RAG1: variants seen among roughly 807,000 people sequenced by gnomAD.
RAG1 encodes recombination activating 1, also known as V(D)J recombination-activating protein 1.
RAG1 carries 35 observed loss-of-function variants against 62.7 expected under a neutral mutation model. That is an observed-to-expected ratio of 0.56 (90% CI 0.43 to 0.74). The LOEUF (loss-of-function observed/expected upper bound fraction) is 0.74. Ranked by LOEUF, RAG1 falls within the 30% of genes least tolerant of loss-of-function variation. RAG1 has a pLI of 0.00. For synonymous variants in RAG1, 461 were observed against 470.3 expected, an observed-to-expected ratio of 0.98 and a Z score of 0.26; for missense variants, 1,169 against 1,278.6, an observed-to-expected ratio of 0.91 and a Z score of 1.31.
At chr11:36,514,708 A>T (rs1187374940) in intron 1 of RAG1, among the ~76,000 whole-genome samples, 1 of 152,146 alleles carries the variant, frequency 6.6e-6, no homozygotes, top group Non-Finnish European at 1.5e-5. Context: ...GCAGTTCACG[A>T]AAGGGTTTGT....
chr11:36,530,217 G>T (rs1402453156), intron 2 of RAG1, among the ~76,000 whole-genome samples: 1 of 151,470 alleles, frequency 6.6e-6, no homozygotes, highest in Non-Finnish European at 1.5e-5. Flanking sequence ...TTTTTCCTTT[G>T]TTCATCTTGC....
Position 36,574,786 on chromosome 11 carries a change from C to G in RAG1, c.1482C>G (p.Ile494Met). ...AGATGTACAGGACTGTGAAAGCCAT[C>G]ACAGGGAGACAGATTTTTCAGCCTT... ...YHKMYRTVKA[I>M]TGRQIFQPLH... Residue 494 changes from isoleucine to methionine, a missense_variant, in exon 2 of 2, where the codon ATC becomes ATG. Around this residue, in one of 2 missense-constraint regions of RAG1, gnomAD observed 800 missense variants for 943.3 expected, o/e 0.85. Coordinates refer to ENST00000299440, the MANE Select transcript of RAG1 (RefSeq NM_000448.3). The G allele has an allele frequency of 6.2e-7, 1 of 1,614,212 alleles. No homozygotes were observed. The highest frequency in any genetic ancestry group is 8.5e-7 in the Non-Finnish European group (1 of 1,180,038).
intron 3 of RAG1, among the ~76,000 whole-genome samples, chr11:36,550,737 G>A (rs1254756498): frequency 1.3e-5 from 2 of 152,074 alleles, no homozygotes; most frequent in Non-Finnish European, 2.9e-5. Context: ...TAATTCTCAT[G>A]TAGGTTTTTC....
downstream of RAG1, among the ~76,000 whole-genome samples, chr11:36,540,807 TTCTTCCCAAATAAAA>T (rs1564980096): frequency 6.6e-6 from 1 of 152,224 alleles, no homozygotes; most frequent in African/African-American, 2.4e-5. Context: ...CTGTGGTTCT[TTCTTCCCAAATAAAA>T]TCTTACATTT....
At chr11:36,531,650 A>G (rs552946098) in intron 2 of RAG1, among the ~76,000 whole-genome samples, 49 of 152,116 alleles carry the variant, frequency 3.2e-4, no homozygotes, top group African/African-American at 1.1e-3. Context: ...TGCTTTCGCC[A>G]TCAAACATAA....
chr11:36,511,304 A>AT (rs1859917097), intron 1 of RAG1, among the ~76,000 whole-genome samples: 1 of 152,164 alleles, frequency 6.6e-6, no homozygotes, highest in South Asian at 2.1e-4. Flanking sequence ...AAATTTAAAA[A>AT]TTACCTGGGT....
chr11:36,562,102 G>A (rs997942882), intron 3 of RAG1, among the ~76,000 whole-genome samples: 1 of 152,138 alleles, frequency 6.6e-6, no homozygotes, highest in Non-Finnish European at 1.5e-5. Context: ...GGGAACCATA[G>A]GAACCATAGG....
At chr11:36,512,829 C>G (rs992159205) in intron 1 of RAG1, among the ~76,000 whole-genome samples, 4 of 152,082 alleles carry the variant, frequency 2.6e-5, no homozygotes, top group Non-Finnish European at 5.9e-5. Flanking sequence ...TTGTACCAAC[C>G]TAATAATTTA....
At chr11:36,513,192 C>T (rs1248618907) in intron 1 of RAG1, among the ~76,000 whole-genome samples, 2 of 152,134 alleles carry the variant, frequency 1.3e-5, no homozygotes, top group Non-Finnish European at 2.9e-5. Flanking sequence ...TGCAAGATAC[C>T]AGCCCCTTGA....
chr11:36,549,320 A>C (rs913318871), intron 3 of RAG1, among the ~76,000 whole-genome samples: 3 of 152,250 alleles, frequency 2.0e-5, no homozygotes, highest in Admixed American at 6.5e-5. Flanking sequence ...AGAAACTATC[A>C]TCAGAGTGAA....
intron 2 of RAG1, among the ~76,000 whole-genome samples, chr11:36,520,888 G>T (rs1860068831): frequency 6.6e-6 from 1 of 151,818 alleles, no homozygotes; most frequent in African/African-American, 2.4e-5. Context: ...TTGAGAGTAA[G>T]GGGCATGTTA....
At position 36,574,736 on chromosome 11, in the gene RAG1, T is replaced by G; in HGVS notation, c.1432T>G (p.Phe478Val). ...AVCLAIRVNT[F>V]LSCSQYHKMY... ...TTGCTTGGCCATCCGTGTCAACACCTTCCTCAGCTGCAGTCAGTACCACAA... is the reference window on the plus strand; with the variant it reads ...TTGCTTGGCCATCCGTGTCAACACCGTCCTCAGCTGCAGTCAGTACCACAA... The change falls in exon 2 of 2, where the codon TTC (phenylalanine) becomes GTC (valine). Residue 478 changes from phenylalanine to valine, a missense_variant. By Grantham distance (50) the Phe-to-Val change is conservative (BLOSUM62 -1). Transcript: ENST00000299440. 1 of 1,614,228 alleles carries G rather than the reference T, an allele frequency of 6.2e-7. No individual in the cohort carries two copies. The highest frequency in any genetic ancestry group is 2.2e-5 in the East Asian group (1 of 44,882).
intron 3 of RAG1, among the ~76,000 whole-genome samples, chr11:36,551,601 CTTTT>C (rs199642455): frequency 0.11 from 15,118 of 133,108 alleles, 918 homozygotes; most frequent in Admixed American, 0.2. Context: ...TTAATTACTT[CTTTT>C]TTTTTTTTTT....
In RAG1 at chr11:36,577,571, A is replaced by C. The variant is rs534240661; in HGVS notation, c.*1135A>C. ...AGATGGAGTCCAAACGCAGTACAGCAGAAGAGTTAACATTTACACAGTGCT... is the reference window on the plus strand; with the variant it reads ...AGATGGAGTCCAAACGCAGTACAGCCGAAGAGTTAACATTTACACAGTGCT... On this transcript the variant is annotated 3_prime_UTR_variant, in exon 2 of 2. Coordinates refer to ENST00000299440, the MANE Select transcript of RAG1 (RefSeq NM_000448.3). 3 of 167,186 alleles carry C rather than the reference A, an allele frequency of 1.8e-5. No homozygotes were observed. The highest frequency in any genetic ancestry group is 4.1e-4 in the South Asian group (2 of 4,830). 10.4% of individuals were successfully genotyped at this position (167,186 alleles called of 1,614,324 possible).
In RAG1 at chr11:36,579,757, T is replaced by C. The variant is rs1850909989; in HGVS notation, c.*3321T>C. ...ATATTTGAAATAAAAGTTTAAGATT[T>C]GAAAATGGTATGTATTATAATTTCT... On this transcript the variant is annotated 3_prime_UTR_variant, in exon 2 of 2. Transcript: ENST00000299440. The C allele has an allele frequency of 6.0e-6, 1 of 166,924 alleles. No homozygotes were observed. The highest frequency in any genetic ancestry group is 2.4e-5 in the African/African-American group (1 of 41,446). The allele number at this position is 166,924 out of a possible 1,614,324, so 10.3% of individuals were successfully genotyped here.
rs1157766585 is a variant in RAG1, at chr11:36,574,186, G to T, written c.882G>T (p.Gln294His). The change falls in exon 2 of 2, where the codon CAG becomes CAT. Residue 294 changes from glutamine (Q) to histidine (H), a missense_variant. Coordinates refer to ENST00000299440, the MANE Select transcript of RAG1 (RefSeq NM_000448.3). ...PEHFVKSISC[Q>H]ICEHILADPV... ...ACTTTGTGAAATCCATCTCCTGCCA[G>T]ATCTGTGAACACATTCTGGCTGACC... is the stretch of plus-strand genomic sequence containing the variant. 1 of 1,614,194 alleles carries T rather than the reference G, an allele frequency of 6.2e-7. No homozygotes were observed.
chr11:36,571,701 G>C (rs780255409), intron 1 of RAG1, among the ~76,000 whole-genome samples: 1 of 152,098 alleles, frequency 6.6e-6, no homozygotes, highest in Non-Finnish European at 1.5e-5. Flanking sequence ...TGCAATCTCT[G>C]CCTCCTGGGT....
intron 2 of RAG1, among the ~76,000 whole-genome samples, chr11:36,532,553 G>C (rs1159084870): frequency 1.3e-5 from 2 of 152,128 alleles, no homozygotes; most frequent in African/African-American, 4.8e-5. Flanking sequence ...TTTGCTTTCT[G>C]TGGTTTCAGT....
intron 3 of RAG1, among the ~76,000 whole-genome samples, chr11:36,561,940 A>C (rs1025871515): frequency 6.6e-6 from 1 of 152,152 alleles, no homozygotes; most frequent in African/African-American, 2.4e-5. Context: ...AAGCAGAGAG[A>C]ATGGCCAATG....
Sources: allele counts gnomAD v4.1 joint callset (sites outside exome capture counted in the v4.1 genomes callset), GRCh38; gene constraint gnomAD v4.1.1; regional missense constraint gnomAD v4.1.1; transcripts MANE v1.5; gene names NCBI Gene and HGNC (gene_info 2026-07-23, HGNC 2026-07-21).